The following KRT3 variants were observed in gnomAD, a reference collection of about 807,000 sequenced individuals.
KRT3 encodes keratin, type II cytoskeletal 3.
In KRT3, 34 loss-of-function variants were observed where a neutral mutation model predicts 45.8. The ratio of observed to expected loss-of-function variants is 0.74; its 90% CI spans 0.57 to 0.99. KRT3 has a LOEUF of 0.99. Ranked by LOEUF, KRT3 falls within the 50% of genes least tolerant of loss-of-function variation. KRT3 has a pLI of 0.00. For synonymous variants in KRT3, 367 were observed against 329.0 expected, an observed-to-expected ratio of 1.12 and a Z score of -1.25; for missense variants, 828 against 820.6, an observed-to-expected ratio of 1.01 and a Z score of -0.11.
At position 52,792,367 on chromosome 12, in the gene KRT3, A is replaced by G. The variant is rs1939537923; in HGVS notation, c.1060T>C (p.Ser354Pro). Residue 354 changes from serine to proline, a missense_variant, in exon 5 of 9, where the codon TCT (serine) becomes CCT (proline). Physicochemically the swap from Ser to Pro is moderately conservative, Grantham distance 74. Transcript: ENST00000417996. ...TTATTGTCCATGGACAGCACCACAG[A>G]TGTGTCACTGATGTGGCTCTGCATC... ...SQMQSHISDTSVVLSMDNNRS... is the reference protein window; with the variant it reads ...SQMQSHISDTPVVLSMDNNRS... 1 of 1,613,930 alleles carries G rather than the reference A, an allele frequency of 6.2e-7. No individual in the cohort carries two copies. The highest frequency in any genetic ancestry group is 1.7e-5 in the Admixed American group (1 of 60,002).
At chr12:52,794,355 A>T in intron 1 of KRT3, 24 bp from the exon 2 acceptor site, 1 of 1,573,736 alleles carries the variant, frequency 6.4e-7, no homozygotes, top group African/African-American at 1.3e-5. Context: ...AGGAAGCAAC[A>T]TCAGGCAACA....
chr12:52,794,428 C>T, intron 1 of KRT3, 97 bp from the exon 2 acceptor site: 1 of 837,474 alleles, frequency 1.2e-6, no homozygotes. Context: ...CTCCTGGGCC[C>T]CCAGCACAAA....
At position 52,795,639 on chromosome 12, in the gene KRT3, C is replaced by G. The variant is rs1249841907; in HGVS notation, c.404G>C (p.Gly135Ala). The change falls in exon 1 of 9, where the codon GGT becomes GCT. Residue 135 changes from glycine (G) to alanine (A), a missense_variant. By Grantham distance (60) the Gly-to-Ala change is moderately conservative. Coordinates refer to ENST00000417996, the MANE Select transcript of KRT3 (RefSeq NM_057088.3). ...AAAGCCACCAGGACCACCAAAGCCACCAGCCCCTCCAAAGCCACCAGCCCC... is the reference window on the plus strand; with the variant it reads ...AAAGCCACCAGGACCACCAAAGCCAGCAGCCCCTCCAAAGCCACCAGCCCC... Reference protein sequence around the residue: ...FGGAGGFGGAGGFGGPGGFGG... With the variant: ...FGGAGGFGGAAGFGGPGGFGG... 1.4e-6 allele frequency: 2 copies of G among 1,444,282 alleles called. No individual in the cohort carries two copies. Among genetic ancestry groups the G allele is most frequent in the African/African-American group, 3.7e-5 (2 of 54,698 alleles). The allele number at this position is 1,444,282 out of a possible 1,614,324, so 89.5% of individuals were successfully genotyped here. A position where few individuals can be genotyped will look rare whatever the true frequency, so the allele number is the denominator to read the frequency against.
Position 52,790,841 on chromosome 12 carries a change from T to C in KRT3, c.1567A>G (p.Ile523Val), listed in dbSNP as rs1381433938. 7 of 1,596,840 alleles carry C rather than the reference T, an allele frequency of 4.4e-6. No homozygotes were observed. The African/African-American group carries it at 9.4e-5, about 21-fold the overall frequency. ...MSGECPSAVS[I>V]SVVSSSTTSA... ...CTTAGCTACTTTCGGTACTTACAGA[T>C]GCTGACAGCACTCGGACACTCTCCA... Residue 523 changes from isoleucine to valine, a missense_variant, in exon 8 of 9, where the codon ATC becomes GTC. Transcript: ENST00000417996.
At chr12:52,791,500 C>A in intron 6 of KRT3, 74 bp from the exon 7 acceptor site, 1 of 1,514,964 alleles carries the variant, frequency 6.6e-7, no homozygotes, top group Admixed American at 1.7e-5. Flanking sequence ...AATGGATTAT[C>A]CCATCTTAAA....
intron 2 of KRT3, 21 bp from the exon 3 acceptor site, chr12:52,793,244 C>G: frequency 1.9e-6 from 3 of 1,579,026 alleles, no homozygotes; most frequent in Non-Finnish European, 2.6e-6. Flanking sequence ...AAAAAAGAAA[C>G]AGCTGAGTTT....
In KRT3 at chr12:52,792,321, C is replaced by T. The variant is rs776960648; in HGVS notation, c.1106G>A (p.Ser369Asn). The change falls in exon 5 of 9, where the codon AGC becomes AAC. Residue 369 changes from serine to asparagine, a missense_variant. Coordinates refer to ENST00000417996, the MANE Select transcript of KRT3 (RefSeq NM_057088.3). ...MDNNRSLDLD[S>N]IIAEVRAQYE... ...CTGTGCACGAACTTCAGCAATGATG[C>T]TGTCCAGGTCCAGGGAGCGATTATT... is the stretch of plus-strand genomic sequence containing the variant. 1.2e-6 allele frequency: 2 copies of T among 1,614,092 alleles called. No homozygotes were observed. Among genetic ancestry groups the T allele is most frequent in the Non-Finnish European group, 1.7e-6 (2 of 1,179,916 alleles).
Position 52,791,385 on chromosome 12 carries a change from A to T in KRT3, c.1356T>A (p.His452Gln). ...TGGCATCCTTGAGGGCCATCTCTCC[A>T]TGCTGCTCGGCCTCGGCAATGGCCG... The part of the protein sequence containing the change: ...LQTAIAEAEQ[H>Q]GEMALKDANA... Residue 452 changes from histidine to glutamine, a missense_variant, in exon 7 of 9, where the codon CAT (histidine) becomes CAA (glutamine). Physicochemically the swap from His to Gln is conservative, Grantham distance 24. Coordinates refer to ENST00000417996, the MANE Select transcript of KRT3 (RefSeq NM_057088.3). 6.2e-7 allele frequency: 1 copy of T among 1,614,206 alleles called. No homozygotes were observed. The highest frequency in any genetic ancestry group is 8.5e-7 in the Non-Finnish European group (1 of 1,180,022).
chr12:52,791,213 C>G lies in KRT3; in HGVS notation c.1528G>C (p.Glu510Gln). ...ACGGGACTGGAGGCTCACCTGTACT[C>G]CTCGCCCTCCAGCAGCTTGCGGTAG... is the stretch of plus-strand genomic sequence containing the variant. ...ATYRKLLEGE[E>Q]YRMSGECPSA... Residue 510 changes from glutamate (E) to glutamine (Q), a missense_variant, in exon 7 of 9, where the codon GAG (glutamate) becomes CAG (glutamine). By Grantham distance (29) the Glu-to-Gln change is conservative (BLOSUM62 2). Transcript: ENST00000417996. 6.2e-7 allele frequency: 1 copy of G among 1,614,220 alleles called. No homozygotes were observed.
chr12:52,792,678 C>T, intron 4 of KRT3, 33 bp downstream of exon 4: 1 of 1,455,968 alleles, frequency 6.9e-7, no homozygotes, highest in Non-Finnish European at 9.7e-7. Flanking sequence ...CCTCACTCTC[C>T]CTCTGTCCCT....
At chr12:52,793,310 T>G in intron 2 of KRT3, 87 bp from the exon 3 acceptor site, 7 of 873,438 alleles carry the variant, frequency 8.0e-6, no homozygotes, top group African/African-American at 1.7e-5. Context: ...AGTTCATCTC[T>G]TCCCTCCCTC....
intron 3 of KRT3, 87 bp from the exon 4 acceptor site, chr12:52,792,893 G>A: frequency 1.1e-6 from 1 of 872,116 alleles, no homozygotes; most frequent in South Asian, 1.5e-5. Context: ...GAGGGGACTG[G>A]TGCAGTGATG....
At chr12:52,794,994 G>A (rs1047837762) in intron 1 of KRT3, among the ~76,000 whole-genome samples, 1 of 152,110 alleles carries the variant, frequency 6.6e-6, no homozygotes, top group Non-Finnish European at 1.5e-5. Context: ...GCAATATGAG[G>A]GGGAAAGGGC....
chr12:52,790,169 C>T lies in KRT3; in HGVS notation c.1760G>A (p.Ser587Asn). The T allele has an allele frequency of 6.5e-7, 1 of 1,548,312 alleles. No individual in the cohort carries two copies. The highest frequency in any genetic ancestry group is 8.7e-7 in the Non-Finnish European group (1 of 1,146,840). ...GGGSSGFSGG[S>N]GFGSISGARY... ...GGCGCCAGAGATGGAGCCAAAGCCG[C>T]TGCCACCGCTGAAACCGCTGCTGCC... Residue 587 changes from serine (S) to asparagine (N), a missense_variant, in exon 9 of 9, where the codon AGC becomes AAC. Physicochemically the swap from Ser to Asn is conservative, Grantham distance 46 (BLOSUM62 1). Transcript: ENST00000417996.
At position 52,796,036 on chromosome 12, in the gene KRT3, T is replaced by C; in HGVS notation, c.7A>G (p.Arg3Gly). MS[R>G]QASKTSGGGS... ...CCACCAGATGTCTTGCTGGCTTGTC[T>C]GCTCATGGTAAGGAGCTTGGCGAAG... The change falls in exon 1 of 9, where the codon AGA (arginine) becomes GGA (glycine). Residue 3 changes from arginine (R) to glycine (G), a missense_variant. Arg to Gly is a moderately radical substitution (Grantham distance 125, BLOSUM62 -2). Coordinates refer to ENST00000417996, the MANE Select transcript of KRT3 (RefSeq NM_057088.3). The C allele has an allele frequency of 1.2e-6, 2 of 1,613,332 alleles. No homozygotes were observed. Among genetic ancestry groups the C allele is most frequent in the East Asian group, 2.2e-5 (1 of 44,886 alleles).
At position 52,794,194 on chromosome 12, in the gene KRT3, G is replaced by T. The variant is rs1422175777; in HGVS notation, c.783C>A (p.Tyr261Ter). ...FENHINYLRS[Y>*]LDNILGERGR... ...CTCTCTCCCCGAGGATGTTGTCCAGGTAGCTCCGCAGGTAGTTGATGTGAT... is the reference window on the plus strand; with the variant it reads ...CTCTCTCCCCGAGGATGTTGTCCAGTTAGCTCCGCAGGTAGTTGATGTGAT... Residue 261 changes from tyrosine to a stop codon, truncating the protein, a stop_gained, in exon 2 of 9, where the codon TAC becomes TAA. Transcript: ENST00000417996. LOFTEE classifies it high-confidence loss of function. The T allele has an allele frequency of 3.1e-6, 5 of 1,614,194 alleles. No individual in the cohort carries two copies. The South Asian group carries it at 4.4e-5, about 14-fold the overall frequency.
Position 52,790,302 on chromosome 12 carries a change from C to T in KRT3, c.1627G>A (p.Gly543Ser), listed in dbSNP as rs762261001. ...ASAGGYGGGY[G>S]GGMGGGLGGG... Reference sequence around the variant, plus strand: ...CCTAAACCACCGCCCATGCCTCCGCCGTAACCTCCTCCATAGCCACCTGCG... The same window carrying T: ...CCTAAACCACCGCCCATGCCTCCGCTGTAACCTCCTCCATAGCCACCTGCG... The change falls in exon 9 of 9, where the codon GGC becomes AGC. Residue 543 changes from glycine to serine, a missense_variant. Transcript: ENST00000417996. The T allele has an allele frequency of 5.9e-5, 93 of 1,570,496 alleles. No homozygotes were observed. The highest frequency in any genetic ancestry group is 5.4e-5 in the Non-Finnish European group (62 of 1,157,844).
At position 52,792,287 on chromosome 12, in the gene KRT3, A is replaced by G. The variant is rs1370461181; in HGVS notation, c.1140T>C (p.Asp380=). Residue 380 remains aspartate, a synonymous_variant, in exon 5 of 9, where the codon GAT becomes GAC. Coordinates refer to ENST00000417996, the MANE Select transcript of KRT3 (RefSeq NM_057088.3). ...CTTCGGCCTTGCTTCTCTGAGCGAT[A>G]TCCTCATACTGTGCACGAACTTCAG... ...IIAEVRAQYE[D]IAQRSKAEAE... 6.2e-7 allele frequency: 1 copy of G among 1,614,154 alleles called. No homozygotes were observed. Among genetic ancestry groups the G allele is most frequent in the East Asian group, 2.2e-5 (1 of 44,888 alleles).
chr12:52,795,551 C>T lies in KRT3; in HGVS notation c.492G>A (p.Gly164=), dbSNP rs896314685. The change falls in exon 1 of 9, where the codon GGG becomes GGA. Residue 164 remains glycine, a synonymous_variant. Coordinates refer to ENST00000417996, the MANE Select transcript of KRT3 (RefSeq NM_057088.3). ...CTTCCTGAATTCCCCCAGGAAAGCC[C>T]CCAGGGCCAAAGCCACCAGGACTGC... is the stretch of plus-strand genomic sequence containing the variant. ...SLGSPGGFGP[G]GFPGGIQEVT... is the part of the protein sequence containing the mutation. 1 of 1,613,408 alleles carries T rather than the reference C, an allele frequency of 6.2e-7. No individual in the cohort carries two copies. The highest frequency in any genetic ancestry group is 1.1e-5 in the South Asian group (1 of 91,034).
Sources: gnomAD v4.1 joint callset for allele counts (sites outside exome capture counted in the v4.1 genomes callset) on GRCh38, gnomAD v4.1.1 for gene constraint, MANE v1.5 for transcripts, NCBI Gene and HGNC (gene_info 2026-07-23, HGNC 2026-07-21) for gene names.